Variants in CLVS1 observed in about 807,000 individuals in gnomAD.
CLVS1 encodes the protein clavesin-1.
In CLVS1, 10 loss-of-function variants were observed where a neutral mutation model predicts 33.1. The ratio of observed to expected loss-of-function variants is 0.30; its 90% CI spans 0.19 to 0.51. CLVS1 has a LOEUF of 0.51. CLVS1 is among the 20% of genes least tolerant of loss of function. The probability of loss-of-function intolerance (pLI) is 0.97; values close to 1 mark genes in which losing one functional copy is unlikely to be tolerated. For missense variants in CLVS1, 343 were observed against 433.4 expected (o/e 0.79, Z 1.85); for synonymous variants, 163 against 166.1 (o/e 0.98, Z 0.14).
intron 2 of CLVS1, among the ~76,000 whole-genome samples, chr8:61,196,526 C>G (rs1199088058): frequency 6.6e-6 from 1 of 152,040 alleles, no homozygotes; most frequent in Non-Finnish European, 1.5e-5. Flanking sequence ...TTTGGAAGCC[C>G]AGGGTTGGCT....
chr8:61,349,064 G>T (rs1158880516), intron 2 of CLVS1, among the ~76,000 whole-genome samples: 1 of 151,942 alleles, frequency 6.6e-6, no homozygotes, highest in Non-Finnish European at 1.5e-5. Context: ...ATTTAATTGG[G>T]TTGTTTTCTT....
chr8:61,121,947 A>C (rs1470707806), intron 1 of CLVS1, among the ~76,000 whole-genome samples: 1 of 152,246 alleles, frequency 6.6e-6, no homozygotes, highest in African/African-American at 2.4e-5. Context: ...AAGACCCTGA[A>C]ATACAACAGG....
intron 3 of CLVS1, among the ~76,000 whole-genome samples, chr8:61,378,721 C>T (rs929058201): frequency 1.3e-5 from 2 of 152,212 alleles, no homozygotes; most frequent in Admixed American, 6.5e-5. Flanking sequence ...GAAGACAATT[C>T]TGCTCTTGCC....
In CLVS1 at chr8:61,254,927, C is replaced by T. The variant is rs79523519; in HGVS notation, c.-151-44750C>T. Reference sequence around the variant, plus strand: ...GACTTGGTGCACTGCACCCACTCTCCGACAATCCCCAGTGAGATGCACCCA... The same window carrying T: ...GACTTGGTGCACTGCACCCACTCTCTGACAATCCCCAGTGAGATGCACCCA... On this transcript the variant is annotated intron_variant, in intron 2 of 2. Coordinates refer to the CLVS1 transcript ENST00000522621. 8.1e-3 allele frequency among the ~76,000 whole-genome samples: 1,240 copies of T among 152,254 alleles called. 16 individuals are homozygous for T. The highest frequency in any genetic ancestry group is 0.026 in the African/African-American group (1,062 of 41,552).
intron 3 of CLVS1, among the ~76,000 whole-genome samples, chr8:61,438,237 T>A (rs1816416850): frequency 6.6e-6 from 1 of 152,162 alleles, no homozygotes; most frequent in African/African-American, 2.4e-5. Context: ...GTCTATGTGT[T>A]CTCATTGTTC....
chr8:61,156,268 T>G lies in CLVS1; in HGVS notation c.-152+24408T>G, dbSNP rs1158235967. On this transcript the variant is annotated intron_variant, in intron 2 of 2. Transcript: ENST00000522621. The stretch of plus-strand genomic sequence containing the variant: ...TGGCTTTCCTACCCTCACCCTCCCA[T>G]CACCTGGGTCTCCACCTCCCCCGAG... Among the ~76,000 whole-genome samples, 6 of 134,620 alleles carry G rather than the reference T, an allele frequency of 4.5e-5. No homozygotes were observed. In the South Asian group the frequency reaches 1.4e-3, roughly 31 times the overall value. 88.3% of individuals were successfully genotyped at this position (134,620 alleles called of 152,430 possible).
chr8:61,304,774 G>A (rs1454883584), intron 2 of CLVS1, among the ~76,000 whole-genome samples: 4 of 152,134 alleles, frequency 2.6e-5, no homozygotes, highest in Non-Finnish European at 5.9e-5. Context: ...AGCATAAAGG[G>A]ACACATCGGT....
At chr8:61,265,800 G>T (rs1809292323) in intron 2 of CLVS1, among the ~76,000 whole-genome samples, 1 of 152,172 alleles carries the variant, frequency 6.6e-6, no homozygotes, top group Admixed American at 6.5e-5. Flanking sequence ...CTCAGGTCCT[G>T]CCTTCTTTCC....
chr8:61,077,834 G>T (rs1804950538), intron 1 of CLVS1, among the ~76,000 whole-genome samples: 1 of 152,192 alleles, frequency 6.6e-6, no homozygotes, highest in Non-Finnish European at 1.5e-5. Flanking sequence ...CCATGCCGGA[G>T]CCATCTGCGA....
chr8:61,232,165 G>A (rs767485959), intron 2 of CLVS1, among the ~76,000 whole-genome samples: 102 of 146,706 alleles, frequency 7.0e-4, no homozygotes, highest in Non-Finnish European at 1.2e-3. Context: ...CTCCCACGTA[G>A]CTGGGACTAC....
In CLVS1 at chr8:61,499,657, T is replaced by G; in HGVS notation, c.*115T>G. On this transcript the variant is annotated 3_prime_UTR_variant, in exon 6 of 6. Coordinates refer to ENST00000325897, the MANE Select transcript of CLVS1 (RefSeq NM_173519.3). The stretch of plus-strand genomic sequence containing the variant: ...GTGTGTTCTGCTTGACACAAGGTCC[T>G]CCACTCCTGAACCCCTGCAGTGACT... The G allele has an allele frequency of 1.5e-6, 1 of 686,976 alleles. No individual in the cohort carries two copies. The highest frequency in any genetic ancestry group is 1.8e-5 in the South Asian group (1 of 54,834). 42.6% of individuals were successfully genotyped at this position (686,976 alleles called of 1,614,324 possible).
intron 1 of CLVS1, among the ~76,000 whole-genome samples, chr8:61,062,112 A>G (rs1009218568): frequency 2.0e-5 from 3 of 152,310 alleles, no homozygotes; most frequent in Non-Finnish European, 4.4e-5. Context: ...CAGGGAAATG[A>G]GACTTGCTGA....
intron 2 of CLVS1, among the ~76,000 whole-genome samples, chr8:61,318,537 C>A (rs942465533): frequency 6.6e-6 from 1 of 152,170 alleles, no homozygotes; most frequent in Non-Finnish European, 1.5e-5. Context: ...AGAAAATTAT[C>A]TTTTATCTCT....
chr8:61,201,116 T>A (rs1468128289), intron 2 of CLVS1, among the ~76,000 whole-genome samples: 1 of 152,180 alleles, frequency 6.6e-6, no homozygotes, highest in East Asian at 1.9e-4. Flanking sequence ...TCCAGCAGAA[T>A]GAAATAAATT....
chr8:61,221,523 A>G (rs913102861), intron 2 of CLVS1, among the ~76,000 whole-genome samples: 1 of 152,216 alleles, frequency 6.6e-6, no homozygotes, highest in Admixed American at 6.5e-5. Flanking sequence ...CCTTGATCCC[A>G]GGGATGAAGC....
intron 2 of CLVS1, among the ~76,000 whole-genome samples, chr8:61,163,710 C>T (rs1397958065): frequency 6.6e-6 from 1 of 152,142 alleles, no homozygotes; most frequent in Non-Finnish European, 1.5e-5. Flanking sequence ...ACCGTGGAAC[C>T]CAGCAACTAG....
At chr8:61,112,179 TACACAC>T (rs749547863) in intron 1 of CLVS1, among the ~76,000 whole-genome samples, 112 of 89,158 alleles carry the variant, frequency 1.3e-3, no homozygotes, top group East Asian at 4.3e-3. Context: ...TTCTCCGTGC[TACACAC>T]ACACACACAC....
intron 2 of CLVS1, among the ~76,000 whole-genome samples, chr8:61,214,408 C>T (rs1031575863): frequency 6.6e-6 from 1 of 152,148 alleles, no homozygotes; most frequent in South Asian, 2.1e-4. Context: ...AAATTTCTCT[C>T]TTTTGTACTC....
chr8:61,072,362 A>C (rs1219087928), intron 1 of CLVS1, among the ~76,000 whole-genome samples: 1 of 152,244 alleles, frequency 6.6e-6, no homozygotes, highest in African/African-American at 2.4e-5. Context: ...AAATATGAAA[A>C]GTAAATATTC....
Sources: allele counts gnomAD v4.1 joint callset (sites outside exome capture counted in the v4.1 genomes callset), GRCh38; gene constraint gnomAD v4.1.1; transcripts MANE v1.5; gene names NCBI Gene and HGNC (gene_info 2026-07-23, HGNC 2026-07-21).